Variants in ARID1A observed in about 807,000 individuals in gnomAD.
ARID1A encodes the protein AT-rich interactive domain-containing protein 1A.
In ARID1A, 20 loss-of-function variants were observed where a neutral mutation model predicts 212.6. That is an observed-to-expected ratio of 0.09 (90% CI 0.07 to 0.14). ARID1A has a LOEUF of 0.14. ARID1A is among the 10% of genes least tolerant of loss of function. ARID1A has a pLI of 1.00. For synonymous variants in ARID1A, 1,376 were observed against 1,222.1 expected, an observed-to-expected ratio of 1.13 and a Z score of -2.63; for missense variants, 2,587 against 3,059.0, an observed-to-expected ratio of 0.85 and a Z score of 3.64.
Position 26,697,099 on chromosome 1 carries a change from C to A in ARID1A, c.696C>A (p.Ser232Arg). The A allele has an allele frequency of 6.8e-7, 1 of 1,473,674 alleles. No homozygotes were observed. The highest frequency in any genetic ancestry group is 1.4e-5 in the South Asian group (1 of 72,540). The allele number at this position is 1,473,674 out of a possible 1,614,324, so 91.3% of individuals were successfully genotyped here. A position where few individuals can be genotyped will look rare whatever the true frequency, so the allele number is the denominator to read the frequency against. The change falls in exon 1 of 20, where the codon AGC becomes AGA. Residue 232 changes from serine (S) to arginine (R), a missense_variant. By Grantham distance (110) the Ser-to-Arg change is moderately radical. Transcript: ENST00000324856. ...YPPPAPAYAL[S>R]SPRGGTPGSG... ...CGCCCGCCCCGGCCTACGCGCTGAG[C>A]TCCCCGAGAGGTGGCACTCCGGGCT... is the stretch of plus-strand genomic sequence containing the variant.
chr1:26,773,295 C>T (rs2081100288), intron 14 of ARID1A, 51 bp from the exon 15 acceptor site: 1 of 1,524,094 alleles, frequency 6.6e-7, no homozygotes, highest in Admixed American at 2.2e-5. Context: ...GGGTAGATTA[C>T]CAGGCTTGTC....
chr1:26,720,359 A>G (rs2080549635), intron 1 of ARID1A, among the ~76,000 whole-genome samples: 2 of 151,824 alleles, frequency 1.3e-5, no homozygotes, highest in Non-Finnish European at 2.9e-5. Context: ...TGTAATCCCA[A>G]CTGCTAGGGT....
chr1:26,763,889 A>G (rs2124072701), intron 8 of ARID1A, among the ~76,000 whole-genome samples: 1 of 152,324 alleles, frequency 6.6e-6, no homozygotes, highest in South Asian at 2.1e-4. Context: ...CCCAGGCTCA[A>G]GTGATCCTCC....
intron 1 of ARID1A, among the ~76,000 whole-genome samples, chr1:26,712,878 T>C (rs1018380277): frequency 1.3e-4 from 20 of 152,218 alleles, no homozygotes; most frequent in African/African-American, 4.6e-4. Flanking sequence ...GTGATAAATA[T>C]TAACAGTTTG....
intron 1 of ARID1A, among the ~76,000 whole-genome samples, chr1:26,723,366 A>G (rs2080583457): frequency 6.6e-6 from 1 of 152,212 alleles, no homozygotes; most frequent in Non-Finnish European, 1.5e-5. Flanking sequence ...GAACTGGATC[A>G]ACAGCTGTCG....
chr1:26,755,053 G>T (rs1225243975), intron 4 of ARID1A, among the ~76,000 whole-genome samples: 2 of 152,158 alleles, frequency 1.3e-5, no homozygotes, highest in African/African-American at 4.8e-5. Context: ...AGGTTGCAGT[G>T]AGCCAAGATT....
At chr1:26,728,204 A>G (rs2080636524) in intron 1 of ARID1A, among the ~76,000 whole-genome samples, 1 of 152,190 alleles carries the variant, frequency 6.6e-6, no homozygotes, top group Admixed American at 6.5e-5. Context: ...ATCACTCACC[A>G]ATTTAGCTGA....
rs2124738848 is a variant in ARID1A at position 26,696,171 on chromosome 1, C to A, written c.-233C>A. ...TACAGAGCCGGGAGCAGCTGAGCCGCCGGCGCCTCGGCCGCCGCCGCCGCC... is the reference window on the plus strand; with the variant it reads ...TACAGAGCCGGGAGCAGCTGAGCCGACGGCGCCTCGGCCGCCGCCGCCGCC... On this transcript the variant is annotated 5_prime_UTR_variant, in exon 1 of 20. Transcript: ENST00000324856. 1.8e-6 allele frequency: 1 copy of A among 557,886 alleles called. No homozygotes were observed. The highest frequency in any genetic ancestry group is 2.5e-6 in the Non-Finnish European group (1 of 401,808). The allele number at this position is 557,886 out of a possible 1,614,324, so 34.6% of individuals were successfully genotyped here.
rs536109738 is a variant in ARID1A at position 26,696,907 on chromosome 1, C to G, written c.504C>G (p.Val168=). The G allele has an allele frequency of 7.2e-7, 1 of 1,394,974 alleles. No homozygotes were observed. The highest frequency in any genetic ancestry group is 2.9e-5 in the East Asian group (1 of 34,554). 86.4% of individuals were successfully genotyped at this position (1,394,974 alleles called of 1,614,324 possible). A position where few individuals can be genotyped will look rare whatever the true frequency, so the allele number is the denominator to read the frequency against. The change falls in exon 1 of 20, where the codon GTC becomes GTG. Residue 168 remains valine, a synonymous_variant. Transcript: ENST00000324856. ...PSAVAAAAAA[V]FHQQHGGQQS... is the part of the protein sequence containing the mutation. ...CCGTCGCCGCCGCCGCGGCCGCCGT[C>G]TTCCACCAACAACATGGCGGACAAC...
At chr1:26,720,379 A>G (rs1255154927) in intron 1 of ARID1A, among the ~76,000 whole-genome samples, 1 of 151,910 alleles carries the variant, frequency 6.6e-6, no homozygotes, top group African/African-American at 2.4e-5. Context: ...TGACTGTGGC[A>G]GGAGAATCAC....
At position 26,761,050 on chromosome 1, in the gene ARID1A, T is replaced by C. The variant is rs2080987106; in HGVS notation, c.2115T>C (p.Ser705=). ...CGTCCCCTGTTGGCTCTCCCGCCAG[T>C]GTTGCTCAGTCTCGCTCAGGACCAC... is the stretch of plus-strand genomic sequence containing the variant. ...PSPSPVGSPA[S]VAQSRSGPLS... Residue 705 remains serine (S), a synonymous_variant, in exon 5 of 20, where the codon AGT becomes AGC. Coordinates refer to ENST00000324856, the MANE Select transcript of ARID1A (RefSeq NM_006015.6). The C allele has an allele frequency of 5.0e-6, 8 of 1,613,966 alleles. No homozygotes were observed. Among genetic ancestry groups the C allele is most frequent in the Non-Finnish European group, 6.8e-6 (8 of 1,180,016 alleles).
chr1:26,701,964 C>T (rs779106926), intron 1 of ARID1A, among the ~76,000 whole-genome samples: 16 of 152,166 alleles, frequency 1.1e-4, no homozygotes, highest in Non-Finnish European at 1.5e-4. Flanking sequence ...ATAGTTGCTT[C>T]AGGATCCCCA....
chr1:26,743,109 C>G (rs2080803756), intron 4 of ARID1A, among the ~76,000 whole-genome samples: 1 of 152,192 alleles, frequency 6.6e-6, no homozygotes, highest in Non-Finnish European at 1.5e-5. Context: ...GACCCTGGCT[C>G]CCAGTGCCTT....
rs1336167775 is a variant in ARID1A, at chr1:26,696,837, C to T, written c.434C>T (p.Pro145Leu). Residue 145 changes from proline to leucine, a missense_variant, in exon 1 of 20, where the codon CCC becomes CTC. This residue lies in a region of ARID1A where 735 missense variants were observed against 590.6 expected (regional missense o/e 1.24). Coordinates refer to ENST00000324856, the MANE Select transcript of ARID1A (RefSeq NM_006015.6). ...PPHSAAAALP[P>L]PAYGFGQPYG... Reference sequence around the variant, plus strand: ...CACTCAGCCGCGGCCGCCTTGCCGCCCCCAGCCTACGGCTTCGGGCAACCC... The same window carrying T: ...CACTCAGCCGCGGCCGCCTTGCCGCTCCCAGCCTACGGCTTCGGGCAACCC... The T allele has an allele frequency of 1.5e-6, 2 of 1,340,494 alleles. No individual in the cohort carries two copies. The highest frequency in any genetic ancestry group is 2.0e-5 in the South Asian group (1 of 49,774). 83.0% of individuals were successfully genotyped at this position (1,340,494 alleles called of 1,614,324 possible). A position where few individuals can be genotyped will look rare whatever the true frequency, so the allele number is the denominator to read the frequency against.
At chr1:26,719,339 G>A (rs2080537632) in intron 1 of ARID1A, among the ~76,000 whole-genome samples, 1 of 152,188 alleles carries the variant, frequency 6.6e-6, no homozygotes, top group South Asian at 2.1e-4. Context: ...CTTGATTTTG[G>A]CTGAAAGTGC....
At chr1:26,751,675 A>T (rs2080886407) in intron 4 of ARID1A, among the ~76,000 whole-genome samples, 1 of 152,168 alleles carries the variant, frequency 6.6e-6, no homozygotes, top group South Asian at 2.1e-4. Flanking sequence ...TATTCATGTC[A>T]ATTCTGCTTC....
In ARID1A at chr1:26,745,991, C is replaced by T. The variant is rs572631863; in HGVS notation, c.1920+13199C>T. On this transcript the variant is annotated intron_variant, in intron 4 of 19. Coordinates refer to ENST00000324856, the MANE Select transcript of ARID1A (RefSeq NM_006015.6). ...GCTTGAACCTGGGAGGCGGAGGTTG[C>T]GGTGAGTCAAGATTGTGCCACTGCA... 1.2e-4 allele frequency among the ~76,000 whole-genome samples: 18 copies of T among 152,140 alleles called. No individual in the cohort carries two copies. The South Asian group carries it at 2.3e-3, about 19-fold the overall frequency.
In ARID1A at chr1:26,780,781, C is replaced by CG. The variant is rs2081185459; in HGVS notation, c.*26dup. On this transcript the variant is annotated 3_prime_UTR_variant, in exon 20 of 20. Coordinates refer to ENST00000324856, the MANE Select transcript of ARID1A (RefSeq NM_006015.6). The surrounding 1 kb of genome is among the most constrained non-coding windows in gnomAD (Gnocchi z 7.2). ...ACAGCCGTGGGACACCTCCCCCCCC[C>CG]GTGTGTGTGTGCGTGTGTGGAGAAC... 1.9e-6 allele frequency: 3 copies of CG among 1,539,962 alleles called. No individual in the cohort carries two copies. The East Asian group carries it at 6.8e-5, about 35-fold the overall frequency.
Position 26,711,433 on chromosome 1 carries a change from T to C in ARID1A, c.1137+13893T>C, listed in dbSNP as rs1011808209. Reference sequence around the variant, plus strand: ...CCAGCGCCCCCGGCTCTTGCTCTTATAAGGGCACTAAGCCCATCATGGGGG... The same window carrying C: ...CCAGCGCCCCCGGCTCTTGCTCTTACAAGGGCACTAAGCCCATCATGGGGG... On this transcript the variant is annotated intron_variant, in intron 1 of 19. Transcript: ENST00000324856. 7.9e-5 allele frequency among the ~76,000 whole-genome samples: 12 copies of C among 152,226 alleles called. No individual in the cohort carries two copies. In the South Asian group the frequency reaches 2.3e-3, roughly 29 times the overall value.
Sources: gnomAD v4.1 joint callset for allele counts (sites outside exome capture counted in the v4.1 genomes callset) on GRCh38, gnomAD v4.1.1 for gene constraint, gnomAD v4.1.1 regional missense constraint, Gnocchi (gnomAD v3.1) non-coding constraint, MANE v1.5 for transcripts, NCBI Gene and HGNC (gene_info 2026-07-23, HGNC 2026-07-21) for gene names.